FAT3: variants seen among roughly 807,000 people sequenced by gnomAD.
FAT3 encodes protocadherin Fat 3.
A neutral mutation model predicts 310.2 loss-of-function variants in FAT3; 95 were observed. The observed-to-expected ratio is 0.31, with a 90% CI of 0.26 to 0.36. The LOEUF (loss-of-function observed/expected upper bound fraction) is 0.36. Among genes scored for constraint, FAT3 ranks in the 10% least tolerant of loss-of-function variants. The probability of loss-of-function intolerance (pLI) is 1.00; values close to 1 mark genes in which losing one functional copy is unlikely to be tolerated. For synonymous variants in FAT3, 2,314 were observed against 2,192.9 expected (o/e 1.06, Z -1.54); for missense variants, 5,408 against 5,715.6 (o/e 0.95, Z 1.74).
At chr11:92,567,133 A>G (rs1955488354) in intron 3 of FAT3, among the ~76,000 whole-genome samples, 1 of 151,766 alleles carries the variant, frequency 6.6e-6, no homozygotes, top group East Asian at 1.9e-4. Flanking sequence ...TTCACAACCT[A>G]CTCATCTGAC....
In FAT3 at chr11:92,797,829, A is replaced by T. The variant is rs1474762286; in HGVS notation, c.4823-7A>T. The stretch of plus-strand genomic sequence containing the variant: ...AACTCATTTCACCATTGATTTCTGT[A>T]TTTTAGGGAACACTGGGAACATGTT... On this transcript the variant is annotated splice_region_variant and splice_polypyrimidine_tract_variant and intron_variant, in intron 9 of 27. Coordinates refer to ENST00000525166, the MANE Select transcript of FAT3 (RefSeq NM_001367949.2). 1 of 1,603,366 alleles carries T rather than the reference A, an allele frequency of 6.2e-7. No individual in the cohort carries two copies. The highest frequency in any genetic ancestry group is 8.5e-7 in the Non-Finnish European group (1 of 1,172,626).
intron 1 of FAT3, among the ~76,000 whole-genome samples, chr11:92,229,510 T>TTTTTTTTTTTTTTC (rs1440088788): frequency 1.3e-5 from 1 of 77,142 alleles, no homozygotes; most frequent in African/African-American, 4.0e-5. Context: ...TTTTTTTGTT[T>TTTTTTTTTTTTTTC]TTTGTTTTTT....
At chr11:92,774,392 C>T (rs550388231) in intron 7 of FAT3, among the ~76,000 whole-genome samples, 13 of 152,300 alleles carry the variant, frequency 8.5e-5, no homozygotes, top group African/African-American at 3.1e-4. Context: ...TGTGATTGAT[C>T]ATGCATGGAA....
chr11:92,886,850 C>T, intron 24 of FAT3, 150 bp from the exon 25 acceptor site: 2 of 633,972 alleles, frequency 3.2e-6, no homozygotes, highest in Non-Finnish European at 5.5e-6. Context: ...CCCAGTGGCA[C>T]AGTCAATTTT....
intron 2 of FAT3, among the ~76,000 whole-genome samples, chr11:92,481,899 A>G (rs1031746507): frequency 1.3e-5 from 2 of 152,204 alleles, no homozygotes; most frequent in African/African-American, 4.8e-5. Context: ...AAATGGATCG[A>G]TTTTTGTGAA....
chr11:92,453,128 G>A (rs946563541), intron 2 of FAT3, among the ~76,000 whole-genome samples: 10 of 151,984 alleles, frequency 6.6e-5, no homozygotes, highest in South Asian at 2.1e-4. Context: ...TATCTTTGCC[G>A]ATTAGCTCCA....
chr11:92,630,125 C>T (rs890996219), intron 3 of FAT3, among the ~76,000 whole-genome samples: 7 of 151,920 alleles, frequency 4.6e-5, no homozygotes, highest in African/African-American at 1.2e-4. Context: ...TTGCCAGGAT[C>T]GCATGGCCCT....
chr11:92,586,193 G>A (rs146215790), intron 3 of FAT3, among the ~76,000 whole-genome samples: 143 of 152,078 alleles, frequency 9.4e-4, no homozygotes, highest in African/African-American at 3.2e-3. Flanking sequence ...TTCAGCCATA[G>A]AAATAAATAT....
At position 92,524,915 on chromosome 11, in the gene FAT3, C is replaced by T. The variant is rs1591400834; in HGVS notation, c.3574C>T (p.Pro1192Ser). ...KLTYRITSGN[P>S]QNFFAINIKT... ...GACATACAGGATTACAAGTGGAAAT[C>T]CTCAGAATTTTTTTGCCATCAATAT... The change falls in exon 3 of 28, where the codon CCT becomes TCT. Residue 1192 changes from proline (P) to serine (S), a missense_variant. Coordinates refer to ENST00000525166, the MANE Select transcript of FAT3 (RefSeq NM_001367949.2). 1.9e-6 allele frequency: 3 copies of T among 1,613,662 alleles called. No individual in the cohort carries two copies. Among genetic ancestry groups the T allele is most frequent in the Non-Finnish European group, 1.7e-6 (2 of 1,179,722 alleles).
intron 2 of FAT3, among the ~76,000 whole-genome samples, chr11:92,410,047 C>A (rs1207424962): frequency 6.6e-6 from 1 of 152,010 alleles, no homozygotes; most frequent in African/African-American, 2.4e-5. Context: ...GAACAAGGGT[C>A]AAAAATGTAA....
At chr11:92,736,865 G>A (rs925741391) in intron 4 of FAT3, among the ~76,000 whole-genome samples, 21 of 152,114 alleles carry the variant, frequency 1.4e-4, no homozygotes, top group South Asian at 1.0e-3. Context: ...TTTTATGTCT[G>A]TAAAAAGAGA....
chr11:92,548,356 C>A (rs1954686544), intron 3 of FAT3, among the ~76,000 whole-genome samples: 1 of 152,162 alleles, frequency 6.6e-6, no homozygotes, highest in Non-Finnish European at 1.5e-5. Context: ...TAGGGAAGGT[C>A]TATTCCATGT....
intron 2 of FAT3, among the ~76,000 whole-genome samples, chr11:92,468,886 G>A (rs1951839606): frequency 6.6e-6 from 1 of 152,134 alleles, no homozygotes; most frequent in African/African-American, 2.4e-5. Context: ...TCATATCAGA[G>A]GGTGTGGATA....
At chr11:92,844,927 CACAG>C (rs1409301476) in intron 19 of FAT3, among the ~76,000 whole-genome samples, 195 bp downstream of exon 19, 1 of 152,202 alleles carries the variant, frequency 6.6e-6, no homozygotes, top group Non-Finnish European at 1.5e-5. Flanking sequence ...AAGTGAGCAG[CACAG>C]ACAGACAAAC....
chr11:92,340,685 A>G (rs17512028), intron 1 of FAT3, among the ~76,000 whole-genome samples: 4,004 of 152,252 alleles, frequency 0.026, 62 homozygotes, highest in Non-Finnish European at 0.033. Flanking sequence ...AATTCTTCCA[A>G]AGATCCACGT....
chr11:92,563,037 GA>G (rs924669522), intron 3 of FAT3, among the ~76,000 whole-genome samples: 53 of 152,212 alleles, frequency 3.5e-4, no homozygotes, highest in African/African-American at 1.2e-3. Context: ...CATATGAATT[GA>G]AAAAAATTTT....
intron 4 of FAT3, among the ~76,000 whole-genome samples, chr11:92,697,885 C>T (rs1349356094): frequency 6.6e-6 from 1 of 152,094 alleles, no homozygotes; most frequent in African/African-American, 2.4e-5. Flanking sequence ...GAGTCACTGC[C>T]AGAGATGACT....
At chr11:92,747,338 A>G (rs925319052) in intron 4 of FAT3, among the ~76,000 whole-genome samples, 3 of 152,228 alleles carry the variant, frequency 2.0e-5, no homozygotes, top group Admixed American at 6.5e-5. Context: ...CCTGAGCTGT[A>G]TGTTGGCCCC....
At chr11:92,409,596 G>C (rs984766406) in intron 2 of FAT3, among the ~76,000 whole-genome samples, 3 of 152,102 alleles carry the variant, frequency 2.0e-5, no homozygotes, top group Admixed American at 6.6e-5. Flanking sequence ...AGGAAAAAAA[G>C]CTGTGTTTTA....
Sources: gnomAD v4.1 joint callset for allele counts (sites outside exome capture counted in the v4.1 genomes callset) on GRCh38, gnomAD v4.1.1 for gene constraint, MANE v1.5 for transcripts, NCBI Gene and HGNC (gene_info 2026-07-23, HGNC 2026-07-21) for gene names.